Variants in OR4C11 observed in about 807,000 individuals in gnomAD.
OR4C11 encodes olfactory receptor 4C11.
A neutral mutation model predicts 14.7 loss-of-function variants in OR4C11; 15 were observed. The ratio of observed to expected loss-of-function variants is 1.02; its 90% confidence interval spans 0.68 to 1.58. OR4C11 has a LOEUF of 1.58. Ranked by LOEUF, OR4C11 falls within the 40% of genes most tolerant of loss-of-function variation. OR4C11 has a pLI of 0.00. For synonymous variants in OR4C11, 146 were observed against 135.0 expected (o/e 1.08, Z -0.57); for missense variants, 473 against 383.0 (o/e 1.24, Z -1.96).
chr11:55,606,904 C>G (rs2120126569), intron 1 of OR4C11, among the ~76,000 whole-genome samples: 1 of 138,432 alleles, frequency 7.2e-6, no homozygotes, highest in Non-Finnish European at 1.6e-5. Context: ...TTTTATAGTA[C>G]TATACATTAG....
At chr11:55,606,225 C>CAA (rs1565065360) in intron 2 of OR4C11, among the ~76,000 whole-genome samples, 1 of 137,244 alleles carries the variant, frequency 7.3e-6, no homozygotes, top group African/African-American at 2.5e-5. Flanking sequence ...CACACACACA[C>CAA]ACAAAATTGT....
In OR4C11 at chr11:55,603,673, G is replaced by A; in HGVS notation, c.701C>T (p.Ala234Val). The A allele has an allele frequency of 6.8e-7, 1 of 1,479,116 alleles. No individual in the cohort carries two copies. Among genetic ancestry groups the A allele is most frequent in the East Asian group, 2.6e-5 (1 of 38,674 alleles). 91.6% of individuals were successfully genotyped at this position (1,479,116 alleles called of 1,614,324 possible). ...RNHSAKGKKK[A>V]LSACTSHIIV... ...TATGTGAGACGTGCAAGCGGAGAGA[G>A]CCTTTTTCTTCCCTTTGGCACTGTG... The change falls in exon 4 of 4, where the codon GCT (alanine) becomes GTT (valine). Residue 234 changes from alanine (A) to valine (V), a missense_variant. Transcript: ENST00000641580.
In OR4C11 at chr11:55,603,336, T is replaced by C. The variant is rs530910465; in HGVS notation, c.*105A>G. ...TAGGAACCCACAAACTTAGATACGA[T>C]GATATATTATTCCCACAGCATTCAG... On this transcript the variant is annotated 3_prime_UTR_variant, in exon 4 of 4. Transcript: ENST00000641580. 1 of 584,100 alleles carries C rather than the reference T, an allele frequency of 1.7e-6. No individual in the cohort carries two copies. The highest frequency in any genetic ancestry group is 2.5e-5 in the South Asian group (1 of 40,690). The allele number at this position is 584,100 out of a possible 1,614,324, so 36.2% of individuals were successfully genotyped here.
intron 3 of OR4C11, 121 bp downstream of exon 3, chr11:55,605,005 C>T (rs556871800): frequency 7.2e-6 from 1 of 138,266 alleles, no homozygotes; most frequent in African/African-American, 2.5e-5. Context: ...CACACACATA[C>T]ACAGAGAAAG....
In OR4C11 at chr11:55,603,452, T is replaced by C. The variant is rs1857910221; in HGVS notation, c.922A>G (p.Asn308Asp). The change falls in exon 4 of 4, where the codon AAC becomes GAC. Residue 308 changes from asparagine to aspartate, a missense_variant. Asn to Asp is a conservative substitution (Grantham distance 23). Transcript: ENST00000641580. ...GTCAGGCCCTCAATTTATCCTTTGT[T>C]TTCTGAAATAATTTTGCCATGCCAT... ...KLWHGKIISE[N>D]KG The C allele has an allele frequency of 1.4e-6, 2 of 1,412,044 alleles. No individual in the cohort carries two copies. The highest frequency in any genetic ancestry group is 1.9e-6 in the Non-Finnish European group (2 of 1,040,572). The allele number at this position is 1,412,044 out of a possible 1,614,324, so 87.5% of individuals were successfully genotyped here.
At position 55,603,395 on chromosome 11, in the gene OR4C11, T is replaced by G; in HGVS notation, c.*46A>C. The G allele has an allele frequency of 3.1e-6, 3 of 964,970 alleles. No individual in the cohort carries two copies. The highest frequency in any genetic ancestry group is 4.5e-6 in the Non-Finnish European group (3 of 664,168). The allele number at this position is 964,970 out of a possible 1,614,324, so 59.8% of individuals were successfully genotyped here. ...CTATTTGCTGTCTATACTTACTCTG[T>G]TAAATCATGATTTGACTGAAAAAGT... On this transcript the variant is annotated 3_prime_UTR_variant, in exon 4 of 4. Transcript: ENST00000641580.
Position 55,605,479 on chromosome 11 carries a change from A to T in OR4C11, c.-206-192T>A, listed in dbSNP as rs908368523. Among the ~76,000 whole-genome samples, 2 of 138,336 alleles carry T rather than the reference A, an allele frequency of 1.4e-5. 1 individual carries two copies. Among genetic ancestry groups the T allele is most frequent in the Non-Finnish European group, 3.2e-5 (2 of 62,262 alleles). 90.8% of individuals were successfully genotyped at this position (138,336 alleles called of 152,430 possible). On this transcript the variant is annotated intron_variant, in intron 2 of 3. Transcript: ENST00000641580. ...CCCATATCCTGACTTCAAGAAAGAGAAGTTAAATATATAATGGGAATTAAT... is the reference window on the plus strand; with the variant it reads ...CCCATATCCTGACTTCAAGAAAGAGTAGTTAAATATATAATGGGAATTAAT...
rs1857959462 is a variant in OR4C11 at position 55,606,228 on chromosome 11, A to AC, written c.-207+293_-207+294insG. Among the ~76,000 whole-genome samples the AC allele has an allele frequency of 2.2e-5, 3 of 136,314 alleles. 1 individual carries two copies. The highest frequency in any genetic ancestry group is 3.2e-5 in the Non-Finnish European group (2 of 61,936). The allele number at this position is 136,314 out of a possible 152,430, so 89.4% of individuals were successfully genotyped here. On this transcript the variant is annotated intron_variant, in intron 2 of 3. Coordinates refer to ENST00000641580, the MANE Select transcript of OR4C11 (RefSeq NM_001004700.3). ...CACGCACGCACACACACACACACAC[A>AC]AAATTGTCCCTGACATATGGTGTAA...
In OR4C11 at chr11:55,603,795, G is replaced by C. The variant is rs1857918400; in HGVS notation, c.579C>G (p.Ile193Met). ...LKLACMDTYM[I>M]NLLLVSNSGA... ...CACTGTTAGACACCAACAGCAGGTTGATCATGTAAGTGTCCATGCAGGCAA... is the reference window on the plus strand; with the variant it reads ...CACTGTTAGACACCAACAGCAGGTTCATCATGTAAGTGTCCATGCAGGCAA... The change falls in exon 4 of 4, where the codon ATC (isoleucine) becomes ATG (methionine). Residue 193 changes from isoleucine (I) to methionine (M), a missense_variant. Ile to Met is a conservative substitution (Grantham distance 10). Coordinates refer to ENST00000641580, the MANE Select transcript of OR4C11 (RefSeq NM_001004700.3). The C allele has an allele frequency of 2.0e-6, 3 of 1,486,342 alleles. No individual in the cohort carries two copies. In the African/African-American group the frequency reaches 4.1e-5, roughly 20 times the overall value. The allele number at this position is 1,486,342 out of a possible 1,614,324, so 92.1% of individuals were successfully genotyped here. A position where few individuals can be genotyped will look rare whatever the true frequency, so the allele number is the denominator to read the frequency against.
At position 55,606,210 on chromosome 11, in the gene OR4C11, G is replaced by A. The variant is rs116392702; in HGVS notation, c.-207+312C>T. Among the ~76,000 whole-genome samples the A allele has an allele frequency of 9.4e-3, 1,244 of 132,578 alleles. 139 individuals are homozygous for A. Among genetic ancestry groups the A allele is most frequent in the African/African-American group, 0.03 (1,167 of 38,670 alleles). 87.0% of individuals were successfully genotyped at this position (132,578 alleles called of 152,430 possible). A position where few individuals can be genotyped will look rare whatever the true frequency, so the allele number is the denominator to read the frequency against. On this transcript the variant is annotated intron_variant, in intron 2 of 3. Coordinates refer to ENST00000641580, the MANE Select transcript of OR4C11 (RefSeq NM_001004700.3). The stretch of plus-strand genomic sequence containing the variant: ...GCTGTGTGTTTATATGCACACGCAC[G>A]CACACACACACACACACAAAATTGT...
intron 2 of OR4C11, 108 bp downstream of exon 2, chr11:55,606,414 G>A (rs533999016): frequency 1.4e-5 from 2 of 138,292 alleles, no homozygotes; most frequent in East Asian, 4.7e-4. Context: ...TTGCATTCTT[G>A]GCATTAGACA....
Position 55,602,444 on chromosome 11 carries a change from C to T in OR4C11, c.*997G>A, listed in dbSNP as rs1221736140. Reference sequence around the variant, plus strand: ...GTCCATAATATGAATATCTAAAGTGCCGCTTTTTATCTGCTGTCCTCACTC... The same window carrying T: ...GTCCATAATATGAATATCTAAAGTGTCGCTTTTTATCTGCTGTCCTCACTC... On this transcript the variant is annotated 3_prime_UTR_variant, in exon 4 of 4. Transcript: ENST00000641580. 1.5e-5 allele frequency: 2 copies of T among 137,802 alleles called. 1 individual carries two copies. The highest frequency in any genetic ancestry group is 3.2e-5 in the Non-Finnish European group (2 of 61,952). 8.5% of individuals were successfully genotyped at this position (137,802 alleles called of 1,614,324 possible). A position where few individuals can be genotyped will look rare whatever the true frequency, so the allele number is the denominator to read the frequency against.
intron 3 of OR4C11, 83 bp downstream of exon 3, chr11:55,605,043 G>A (rs1466706701): frequency 7.2e-6 from 1 of 138,390 alleles, no homozygotes; most frequent in Non-Finnish European, 1.6e-5. Context: ...TTTTTGCAAT[G>A]AGCAAAAAGT....
chr11:55,603,240 T>C lies in OR4C11; in HGVS notation c.*201A>G. 2.4e-6 allele frequency: 1 copy of C among 413,230 alleles called. No homozygotes were observed. The highest frequency in any genetic ancestry group is 4.2e-6 in the Non-Finnish European group (1 of 235,988). The allele number at this position is 413,230 out of a possible 1,614,324, so 25.6% of individuals were successfully genotyped here. ...ACTGGTAGGTAATCACCTGAATTAATCTATATTCTACCTAGTTCTGGCACA... is the reference window on the plus strand; with the variant it reads ...ACTGGTAGGTAATCACCTGAATTAACCTATATTCTACCTAGTTCTGGCACA... On this transcript the variant is annotated 3_prime_UTR_variant, in exon 4 of 4. Transcript: ENST00000641580.
chr11:55,605,282 C>G lies in OR4C11; in HGVS notation c.-201G>C. ...AGTTTTCTTAAGAGACAAGTAGACACTGAGGCTAAAATGAGGAAAAAAGTG... is the reference window on the plus strand; with the variant it reads ...AGTTTTCTTAAGAGACAAGTAGACAGTGAGGCTAAAATGAGGAAAAAAGTG... On this transcript the variant is annotated 5_prime_UTR_variant, in exon 3 of 4. Coordinates refer to ENST00000641580, the MANE Select transcript of OR4C11 (RefSeq NM_001004700.3). 7.3e-6 allele frequency: 1 copy of G among 137,844 alleles called. No homozygotes were observed. The highest frequency in any genetic ancestry group is 2.4e-4 in the East Asian group (1 of 4,234). The allele number at this position is 137,844 out of a possible 1,614,324, so 8.5% of individuals were successfully genotyped here. A position where few individuals can be genotyped will look rare whatever the true frequency, so the allele number is the denominator to read the frequency against.
At chr11:55,607,053 T>C (rs535994002) in intron 1 of OR4C11, among the ~76,000 whole-genome samples, 1 of 138,836 alleles carries the variant, frequency 7.2e-6, no homozygotes, top group Admixed American at 7.8e-5. Context: ...ATTAATGTTT[T>C]ATACTATTTT....
Position 55,603,891 on chromosome 11 carries a change from G to T in OR4C11, c.483C>A (p.Ala161=), listed in dbSNP as rs747796797. The T allele has an allele frequency of 6.7e-7, 1 of 1,488,584 alleles. No homozygotes were observed. Among genetic ancestry groups the T allele is most frequent in the Non-Finnish European group, 9.1e-7 (1 of 1,094,140 alleles). 92.2% of individuals were successfully genotyped at this position (1,488,584 alleles called of 1,614,324 possible). A position where few individuals can be genotyped will look rare whatever the true frequency, so the allele number is the denominator to read the frequency against. The stretch of plus-strand genomic sequence containing the variant: ...AGGGTCCACAGAAAGGCAATCTTAA[G>T]GCCAGGATAATCTGAGCTGTAGAGT... The part of the protein sequence containing the change: ...LIHSTAQIIL[A]LRLPFCGPYL... The change falls in exon 4 of 4, where the codon GCC becomes GCA. Residue 161 remains alanine, a synonymous_variant. Coordinates refer to ENST00000641580, the MANE Select transcript of OR4C11 (RefSeq NM_001004700.3).
At position 55,605,133 on chromosome 11, in the gene OR4C11, A is replaced by T. The variant is rs1258517917; in HGVS notation, c.-52T>A. On this transcript the variant is annotated 5_prime_UTR_variant, in exon 3 of 4. Coordinates refer to ENST00000641580, the MANE Select transcript of OR4C11 (RefSeq NM_001004700.3). ...TATTTCCTTTTAATTTACCTCTGAAAATTTTCTAATTATTTTCAGTTCCAA... is the reference window on the plus strand; with the variant it reads ...TATTTCCTTTTAATTTACCTCTGAATATTTTCTAATTATTTTCAGTTCCAA... The T allele has an allele frequency of 1.4e-5, 2 of 138,508 alleles. 1 individual carries two copies. Among genetic ancestry groups the T allele is most frequent in the Non-Finnish European group, 3.2e-5 (2 of 62,112 alleles). 8.6% of individuals were successfully genotyped at this position (138,508 alleles called of 1,614,324 possible).
In OR4C11 at chr11:55,606,657, C is replaced by A. The variant is rs971445807; in HGVS notation, c.-342G>T. On this transcript the variant is annotated 5_prime_UTR_variant, in exon 2 of 4. Transcript: ENST00000641580. ...ACAAATTTGAGTAAGTCAGATATAG[C>A]AGTAGTGTTGAAACTCAGGGCTCTG... The A allele has an allele frequency of 7.2e-5, 10 of 138,066 alleles. 2 individuals carry two copies. Among genetic ancestry groups the A allele is most frequent in the African/African-American group, 2.5e-4 (10 of 39,804 alleles). The allele number at this position is 138,066 out of a possible 1,614,324, so 8.6% of individuals were successfully genotyped here.
Sources: gnomAD v4.1 joint callset for allele counts (sites outside exome capture counted in the v4.1 genomes callset) on GRCh38, gnomAD v4.1.1 for gene constraint, MANE v1.5 for transcripts, NCBI Gene and HGNC (gene_info 2026-07-23, HGNC 2026-07-21) for gene names.